The following GRM1 variants were observed in gnomAD, a reference collection of about 807,000 sequenced individuals.
GRM1 encodes the protein glutamate metabotropic receptor 1.
A neutral mutation model predicts 90.9 loss-of-function variants in GRM1; 33 were observed. That is an observed-to-expected ratio of 0.36 (90% CI 0.28 to 0.49). The LOEUF is 0.49. Ranked by LOEUF, GRM1 falls within the 20% of genes least tolerant of loss-of-function variation. The pLI, the probability that GRM1 is intolerant of heterozygous loss-of-function variation, is 0.99. For synonymous variants in GRM1, 700 were observed against 613.2 expected (o/e 1.14, Z -2.09); for missense variants, 1,190 against 1,534.3 (o/e 0.78, Z 3.75).
chr6:146,091,138 A>C (rs1016630965), intron 1 of GRM1, among the ~76,000 whole-genome samples: 1 of 152,066 alleles, frequency 6.6e-6, no homozygotes, highest in African/African-American at 2.4e-5. Flanking sequence ...ATGGGAAGAA[A>C]AGATGTGTGT....
chr6:146,216,161 A>G (rs1295999990), intron 2 of GRM1, among the ~76,000 whole-genome samples: 3 of 152,218 alleles, frequency 2.0e-5, no homozygotes, highest in Non-Finnish European at 4.4e-5. Context: ...ATGTATATGT[A>G]TGTATCAGAC....
intron 2 of GRM1, among the ~76,000 whole-genome samples, chr6:146,205,957 C>T (rs1391255217): frequency 6.6e-6 from 1 of 152,154 alleles, no homozygotes; most frequent in African/African-American, 2.4e-5. Flanking sequence ...TAGCAGGCAG[C>T]ATCATCATGT....
At chr6:146,073,370 A>T (rs1776080127) in intron 1 of GRM1, among the ~76,000 whole-genome samples, 1 of 152,150 alleles carries the variant, frequency 6.6e-6, no homozygotes, top group Non-Finnish European at 1.5e-5. Context: ...AGAGGATTGG[A>T]CTTTAAAGTA....
At chr6:146,116,671 T>A (rs1583024484) in intron 1 of GRM1, among the ~76,000 whole-genome samples, 1 of 152,140 alleles carries the variant, frequency 6.6e-6, no homozygotes, top group Admixed American at 6.6e-5. Flanking sequence ...TATCATTGGT[T>A]GAAGATTGTA....
chr6:146,228,916 C>T (rs1780349217), intron 2 of GRM1, among the ~76,000 whole-genome samples: 2 of 152,090 alleles, frequency 1.3e-5, no homozygotes, highest in African/African-American at 4.8e-5. Context: ...CTCTTCAACT[C>T]CAATAAATAT....
At chr6:146,228,092 A>G (rs571869703) in intron 2 of GRM1, among the ~76,000 whole-genome samples, 28 of 152,320 alleles carry the variant, frequency 1.8e-4, no homozygotes, top group South Asian at 6.2e-4. Flanking sequence ...CAAAGCATTT[A>G]TCAACTGTTG....
intron 7 of GRM1, chr6:146,426,435 CG>C: frequency 1.2e-6 from 1 of 801,390 alleles, no homozygotes; most frequent in Admixed American, 2.1e-5. Context: ...ATAGAGCAAA[CG>C]GAGGTGGAGG....
intron 2 of GRM1, among the ~76,000 whole-genome samples, chr6:146,201,411 T>C (rs1317062764): frequency 6.6e-6 from 1 of 152,212 alleles, no homozygotes; most frequent in Non-Finnish European, 1.5e-5. Context: ...AGGTATTTTA[T>C]TGCTCACAAT....
chr6:146,220,802 G>T (rs1413275350), intron 2 of GRM1, among the ~76,000 whole-genome samples: 1 of 152,126 alleles, frequency 6.6e-6, no homozygotes, highest in African/African-American at 2.4e-5. Flanking sequence ...CATAGAAGTA[G>T]GGGTTTGGAG....
intron 2 of GRM1, among the ~76,000 whole-genome samples, chr6:146,278,252 A>T (rs1291717564): frequency 6.6e-6 from 1 of 152,196 alleles, no homozygotes; most frequent in Non-Finnish European, 1.5e-5. Context: ...CAGCATAATC[A>T]GGTGATATAA....
chr6:146,120,918 C>T (rs566487769), intron 1 of GRM1, among the ~76,000 whole-genome samples: 1 of 152,194 alleles, frequency 6.6e-6, no homozygotes, highest in East Asian at 1.9e-4. Context: ...TTTGTCTGTG[C>T]CAGGCTTTGG....
At position 146,248,160 on chromosome 6, in the gene GRM1, G is replaced by A. The variant is rs867304765; in HGVS notation, c.951-56451G>A. On this transcript the variant is annotated intron_variant, in intron 2 of 7. Coordinates refer to ENST00000282753, the MANE Select transcript of GRM1 (RefSeq NM_001278064.2). ...CTCCCTCCCTTCCTTTTCTTCTTTC[G>A]TTCCTACAGAAGCAACCCATACCAG... 5.2e-4 allele frequency among the ~76,000 whole-genome samples: 78 copies of A among 151,176 alleles called. 2 individuals are homozygous for A. The Middle Eastern group carries it at 0.014, about 26-fold the overall frequency.
chr6:146,254,441 C>T (rs1352738490), intron 2 of GRM1, among the ~76,000 whole-genome samples: 1 of 152,074 alleles, frequency 6.6e-6, no homozygotes, highest in Admixed American at 6.5e-5. Flanking sequence ...TGGATTCTTG[C>T]TAGACAAAAA....
intron 1 of GRM1, among the ~76,000 whole-genome samples, chr6:146,110,040 G>C (rs1775495842): frequency 6.6e-6 from 1 of 152,168 alleles, no homozygotes; most frequent in African/African-American, 2.4e-5. Flanking sequence ...GAAGGGACTT[G>C]CCTTGTCTCA....
intron 1 of GRM1, among the ~76,000 whole-genome samples, chr6:146,141,707 T>G (rs1039603240): frequency 2.6e-5 from 4 of 152,194 alleles, no homozygotes; most frequent in Non-Finnish European, 5.9e-5. Context: ...ATTGTGTTTT[T>G]CAACTCGGAT....
chr6:146,296,170 C>T (rs1783172182), intron 2 of GRM1, among the ~76,000 whole-genome samples: 1 of 152,322 alleles, frequency 6.6e-6, no homozygotes, highest in African/African-American at 2.4e-5. Context: ...AATAGTGCTG[C>T]AGTGAACATT....
intron 1 of GRM1, among the ~76,000 whole-genome samples, chr6:146,151,861 C>T (rs888656813): frequency 1.3e-5 from 2 of 152,086 alleles, no homozygotes; most frequent in African/African-American, 4.8e-5. Flanking sequence ...TCTTTGTAAG[C>T]TCCATGTGTT....
At chr6:146,104,298 G>A (rs1465393489) in intron 1 of GRM1, among the ~76,000 whole-genome samples, 2 of 152,142 alleles carry the variant, frequency 1.3e-5, no homozygotes, top group Non-Finnish European at 2.9e-5. Flanking sequence ...AAATTAGCCA[G>A]GCGTGGTGGC....
At chr6:146,138,741 G>A (rs561035473) in intron 1 of GRM1, among the ~76,000 whole-genome samples, 20 of 151,496 alleles carry the variant, frequency 1.3e-4, no homozygotes, top group African/African-American at 4.6e-4. Flanking sequence ...TTTTTAGTAT[G>A]TCTAAAGGTT....
Sources: gnomAD v4.1 joint callset for allele counts (sites outside exome capture counted in the v4.1 genomes callset) on GRCh38, gnomAD v4.1.1 for gene constraint, MANE v1.5 for transcripts, NCBI Gene and HGNC (gene_info 2026-07-23, HGNC 2026-07-21) for gene names.